The following DGKH variants were observed in gnomAD, a reference collection of about 807,000 sequenced individuals.
DGKH encodes DAG kinase eta.
DGKH carries 90 observed loss-of-function variants against 159.3 expected under a neutral mutation model. That is an observed-to-expected ratio of 0.57 (90% CI 0.48 to 0.67). The LOEUF is 0.67. Among genes scored for constraint, DGKH ranks in the 30% least tolerant of loss-of-function variants. The pLI is 0.00. For synonymous variants in DGKH, 536 were observed against 553.8 expected, an observed-to-expected ratio of 0.97 and a Z score of 0.45; for missense variants, 1,181 against 1,506.1, an observed-to-expected ratio of 0.78 and a Z score of 3.57.
chr13:42,247,847 T>TGTAA (rs1301410562), downstream of DGKH, among the ~76,000 whole-genome samples: 1 of 4,870 alleles, frequency 2.1e-4, no homozygotes, highest in East Asian at 0.021. Context: ...GGATTAAGGA[T>TGTAA]ATAAAGAAAA....
At chr13:42,201,299 C>T (rs930566792) in intron 20 of DGKH, among the ~76,000 whole-genome samples, 4 of 152,058 alleles carry the variant, frequency 2.6e-5, no homozygotes, top group Non-Finnish European at 5.9e-5. Flanking sequence ...TTTGGCCACA[C>T]CCAAGGACAC....
rs1958361992 is a variant in DGKH, at chr13:42,234,065, A to G, written c.*4877A>G. 6.6e-6 allele frequency: 1 copy of G among 152,218 alleles called. No individual in the cohort carries two copies. Among genetic ancestry groups the G allele is most frequent in the South Asian group, 2.1e-4 (1 of 4,834 alleles). 9.4% of individuals were successfully genotyped at this position (152,218 alleles called of 1,614,324 possible). ...TACACTCACTTATCTTGATGTTCAC[A>G]TGGTTAATAATTCCTTAAAATAGTG... On this transcript the variant is annotated 3_prime_UTR_variant, in exon 30 of 30. Transcript: ENST00000337343.
chr13:42,228,528 G>A (rs774610166), intron 29 of DGKH, among the ~76,000 whole-genome samples: 1 of 151,990 alleles, frequency 6.6e-6, no homozygotes, highest in Non-Finnish European at 1.5e-5. Flanking sequence ...CACAAGAAAT[G>A]TTGCCTTAGG....
At chr13:42,088,515 G>A (rs535370745) in intron 1 of DGKH, among the ~76,000 whole-genome samples, 1 of 152,102 alleles carries the variant, frequency 6.6e-6, no homozygotes, top group Non-Finnish European at 1.5e-5. Flanking sequence ...ACCATTGTAA[G>A]AGTCTCATAC....
intron 1 of DGKH, among the ~76,000 whole-genome samples, chr13:42,043,561 G>A (rs1186175998): frequency 1.3e-5 from 2 of 151,992 alleles, no homozygotes; most frequent in African/African-American, 2.4e-5. Context: ...CAAACTTGTG[G>A]CCTTAAGAGA....
downstream of DGKH, among the ~76,000 whole-genome samples, chr13:42,244,665 G>A (rs1354660482): frequency 6.6e-6 from 1 of 152,018 alleles, no homozygotes; most frequent in East Asian, 1.9e-4. Context: ...AGCACTTTGG[G>A]AGGCCGAGGC....
chr13:42,042,577 G>T (rs1880576984), intron 1 of DGKH, among the ~76,000 whole-genome samples: 2 of 152,156 alleles, frequency 1.3e-5, no homozygotes, highest in South Asian at 4.1e-4. Flanking sequence ...AACACTGAAG[G>T]CCTTTTCATT....
chr13:42,234,960 C>T lies in DGKH; in HGVS notation c.*5772C>T, dbSNP rs1303606017. 6.6e-6 allele frequency: 1 copy of T among 152,154 alleles called. No individual in the cohort carries two copies. Among genetic ancestry groups the T allele is most frequent in the African/African-American group, 2.4e-5 (1 of 41,434 alleles). The allele number at this position is 152,154 out of a possible 1,614,324, so 9.4% of individuals were successfully genotyped here. ...ATAATACACAAAGCATTAATTTTTT[C>T]TTATCTTATTTTCTCTTTATTATTT... On this transcript the variant is annotated 3_prime_UTR_variant, in exon 30 of 30. Transcript: ENST00000337343.
At chr13:42,072,805 CCTT>C (rs750865490) in intron 1 of DGKH, among the ~76,000 whole-genome samples, 21 of 152,192 alleles carry the variant, frequency 1.4e-4, no homozygotes, top group Non-Finnish European at 2.9e-4. Context: ...TCAGAGGTCA[CCTT>C]CTCAGGGCGA....
intron 2 of DGKH, among the ~76,000 whole-genome samples, chr13:42,128,347 G>A (rs1309791023): frequency 6.6e-6 from 1 of 152,114 alleles, no homozygotes; most frequent in Admixed American, 6.5e-5. Flanking sequence ...TGGTAGGGTT[G>A]TACACCAGGA....
At chr13:42,124,624 C>T (rs950869300) in intron 1 of DGKH, among the ~76,000 whole-genome samples, 4 of 152,108 alleles carry the variant, frequency 2.6e-5, no homozygotes, top group African/African-American at 9.7e-5. Context: ...CCTGTGTTTA[C>T]ATGGGTCCTG....
At chr13:42,214,250 CA>C (rs1458741211) in intron 24 of DGKH, among the ~76,000 whole-genome samples, 2 of 152,134 alleles carry the variant, frequency 1.3e-5, no homozygotes, top group Non-Finnish European at 2.9e-5. Flanking sequence ...TTCAAAATAG[CA>C]CTTCAATATG....
At chr13:42,158,200 A>G (rs754805587) in intron 5 of DGKH, among the ~76,000 whole-genome samples, 26 of 152,244 alleles carry the variant, frequency 1.7e-4, no homozygotes, top group Non-Finnish European at 3.1e-4. Context: ...TTCGTGTTAT[A>G]TCCAATTAAG....
intron 1 of DGKH, among the ~76,000 whole-genome samples, chr13:42,055,679 C>T (rs980655969): frequency 6.6e-6 from 1 of 152,140 alleles, no homozygotes; most frequent in Non-Finnish European, 1.5e-5. Flanking sequence ...TTAGGCTTTA[C>T]TTACTCAGGA....
chr13:42,215,805 C>T (rs1329367258), intron 26 of DGKH, 138 bp downstream of exon 26: 1 of 681,342 alleles, frequency 1.5e-6, no homozygotes, highest in Non-Finnish European at 2.4e-6. Flanking sequence ...GCCTCTTCAC[C>T]TGGTTTTTGT....
intron 1 of DGKH, among the ~76,000 whole-genome samples, chr13:42,113,108 A>G (rs1277428949): frequency 2.0e-5 from 3 of 151,874 alleles, no homozygotes; most frequent in African/African-American, 7.3e-5. Context: ...TTCTGCTCCT[A>G]CTCCTGGGTG....
At chr13:42,189,792 G>A (rs1436301719) in intron 15 of DGKH, among the ~76,000 whole-genome samples, 1 of 151,916 alleles carries the variant, frequency 6.6e-6, no homozygotes, top group East Asian at 1.9e-4. Context: ...TCAGCCTCCC[G>A]AGTAGTTGGG....
intron 1 of DGKH, among the ~76,000 whole-genome samples, chr13:42,061,988 G>GGTGTGTGTGTGTGTGTGTGTGTGT (rs60863220): frequency 2.9e-4 from 43 of 149,784 alleles, no homozygotes; most frequent in Admixed American, 2.6e-3. Context: ...TGTGTGTGTG[G>GGTGTGTGTGTGTGTGTGTGTGTGT]GTGTGTGTGT....
chr13:42,163,970 T>A (rs1956254554), intron 7 of DGKH, among the ~76,000 whole-genome samples: 1 of 152,160 alleles, frequency 6.6e-6, no homozygotes, highest in Non-Finnish European at 1.5e-5. Context: ...TGCCTAGGTT[T>A]TCTTCTAGGG....
Sources: gnomAD v4.1 joint callset for allele counts (sites outside exome capture counted in the v4.1 genomes callset) on GRCh38, gnomAD v4.1.1 for gene constraint, MANE v1.5 for transcripts, NCBI Gene and HGNC (gene_info 2026-07-23, HGNC 2026-07-21) for gene names.